LIPM: variants seen among roughly 807,000 people sequenced by gnomAD.
LIPM encodes lipase family member M.
LIPM carries 42 observed loss-of-function variants against 42.4 expected under a neutral mutation model. The ratio of observed to expected loss-of-function variants is 0.99; its 90% CI spans 0.77 to 1.28. The LOEUF (loss-of-function observed/expected upper bound fraction) is 1.28, where lower values mean the gene tolerates loss of function less well. Among genes scored for constraint, LIPM ranks in the 50% most tolerant of loss-of-function variants. The pLI is 0.00. For missense variants in LIPM, 524 were observed against 520.1 expected, an observed-to-expected ratio of 1.01 and a Z score of -0.07; for synonymous variants, 177 against 173.3, an observed-to-expected ratio of 1.02 and a Z score of -0.17.
chr10:88,806,130 A>G (rs1843583514), intron 1 of LIPM: 1 of 385,498 alleles, frequency 2.6e-6, no homozygotes, highest in Non-Finnish European at 5.1e-6. Flanking sequence ...AGTGGATGGG[A>G]CCAGTCCTTT....
At chr10:88,809,030 C>T (rs1843622926) in intron 2 of LIPM, among the ~76,000 whole-genome samples, 1 of 151,734 alleles carries the variant, frequency 6.6e-6, no homozygotes, top group Non-Finnish European at 1.5e-5. Context: ...TCTCAGCTCA[C>T]CGCAACCTCC....
intron 1 of LIPM, 110 bp from the exon 2 acceptor site, chr10:88,808,187 CA>C (rs1181259158): frequency 9.5e-6 from 6 of 631,148 alleles, no homozygotes; most frequent in Admixed American, 7.7e-5. Flanking sequence ...TAGGGAAAAG[CA>C]AGGACTTTCA....
chr10:88,817,855 G>T lies in LIPM; in HGVS notation c.961G>T (p.Asp321Tyr). The T allele has an allele frequency of 6.4e-7, 1 of 1,551,460 alleles. No individual in the cohort carries two copies. Among genetic ancestry groups the T allele is most frequent in the South Asian group, 1.2e-5 (1 of 84,020 alleles). The change falls in exon 8 of 9, where the codon GAC (aspartate) becomes TAC (tyrosine). Residue 321 changes from aspartate to tyrosine, a missense_variant. Coordinates refer to ENST00000404743, the MANE Select transcript of LIPM (RefSeq NM_001128215.1). ...AVNSGELRAF[D>Y]WGSETKNLEK... ...GAATTCTGGTGAACTCCGGGCATTT[G>T]ACTGGGGGAGTGAGACCAAAAATCT...
intron 2 of LIPM, among the ~76,000 whole-genome samples, chr10:88,810,660 A>G (rs1843644008): frequency 6.6e-6 from 1 of 152,210 alleles, no homozygotes; most frequent in African/African-American, 2.4e-5. Context: ...ATCAAGAGAG[A>G]AAATAGGCTG....
chr10:88,815,134 AATGT>A lies in LIPM; in HGVS notation c.624_627del (p.Met208IlefsTer4), dbSNP rs1475511707. ...TGCCAGAGCTGGCTCAGAAAATCAA[AATGT>A]ATTTTGCTTTAGCACCCATAGCCAC... On this transcript the variant is annotated frameshift_variant, in exon 5 of 9. Transcript: ENST00000404743. LOFTEE classifies it high-confidence loss of function. 6.4e-7 allele frequency: 1 copy of A among 1,551,034 alleles called. No individual in the cohort carries two copies. Among genetic ancestry groups the A allele is most frequent in the Non-Finnish European group, 8.7e-7 (1 of 1,146,784 alleles).
Position 88,820,454 on chromosome 10 carries a change from C to T in LIPM, c.1225C>T (p.Gln409Ter), listed in dbSNP as rs1360272962. Reference protein sequence around the residue: ...MYNEIIHLMQQEETNLSQGRC... With the variant: ...MYNEIIHLMQ ...CAATGAAATCATCCATCTGATGCAGCAGGAGGAGACCAACCTTTCCCAGGG... is the reference window on the plus strand; with the variant it reads ...CAATGAAATCATCCATCTGATGCAGTAGGAGGAGACCAACCTTTCCCAGGG... Residue 409 changes from glutamine to a stop codon, truncating the protein, a stop_gained, in exon 9 of 9, where the codon CAG (glutamine) becomes TAG (stop). Coordinates refer to ENST00000404743, the MANE Select transcript of LIPM (RefSeq NM_001128215.1). LOFTEE classifies it low-confidence loss of function (END_TRUNC). The T allele has an allele frequency of 3.2e-6, 5 of 1,551,808 alleles. No homozygotes were observed. In the East Asian group the frequency reaches 1.2e-4, roughly 38 times the overall value.
rs1843703648 is a variant in LIPM at position 88,815,192 on chromosome 10, A to G, written c.679A>G (p.Lys227Glu). The change falls in exon 5 of 9, where the codon AAA (lysine) becomes GAA (glutamate). Residue 227 changes from lysine to glutamate, a missense_variant. Lys to Glu is a moderately conservative substitution (Grantham distance 56, BLOSUM62 1). Transcript: ENST00000404743. ...TAAGCATGCAAAAAGCCCCGGGACC[A>G]AATTTTTGTTGCTGCCAGATATGAT... ...TVKHAKSPGT[K>E]FLLLPDMMIK... The G allele has an allele frequency of 1.9e-6, 3 of 1,551,864 alleles. No homozygotes were observed. Among genetic ancestry groups the G allele is most frequent in the Non-Finnish European group, 2.6e-6 (3 of 1,147,050 alleles).
chr10:88,810,026 G>C (rs1405127105), intron 2 of LIPM, among the ~76,000 whole-genome samples: 3 of 152,014 alleles, frequency 2.0e-5, no homozygotes. Flanking sequence ...TTTCCATATA[G>C]CACTTACCAT....
chr10:88,804,372 T>C (rs1006160447), intron 1 of LIPM, among the ~76,000 whole-genome samples: 3 of 152,198 alleles, frequency 2.0e-5, no homozygotes, highest in African/African-American at 7.2e-5. Context: ...CTAAAGCCCA[T>C]TGAATTGGGC....
rs570763647 is a variant in LIPM, at chr10:88,815,326, G to T, written c.712-31G>T. ...AATTACAGTCACATCTTTTCTGTCTGTCATGTCTATGTCACTTCATATTTT... is the reference window on the plus strand; with the variant it reads ...AATTACAGTCACATCTTTTCTGTCTTTCATGTCTATGTCACTTCATATTTT... On this transcript the variant is annotated intron_variant, in intron 5 of 8. Transcript: ENST00000404743. 31 of 1,550,682 alleles carry T rather than the reference G, an allele frequency of 2.0e-5. No individual in the cohort carries two copies. In the African/African-American group the frequency reaches 3.7e-4, roughly 18 times the overall value.
At chr10:88,811,337 A>G (rs1300139125) in intron 2 of LIPM, among the ~76,000 whole-genome samples, 1 of 152,160 alleles carries the variant, frequency 6.6e-6, no homozygotes, top group African/African-American at 2.4e-5. Flanking sequence ...TGCTTTAGAG[A>G]ATTATAACAA....
chr10:88,819,583 T>C (rs17113317), intron 8 of LIPM, among the ~76,000 whole-genome samples: 1,746 of 152,308 alleles, frequency 0.011, 30 homozygotes, highest in African/African-American at 0.039. Context: ...CTAATTCTAC[T>C]AACACTGCAT....
intron 8 of LIPM, among the ~76,000 whole-genome samples, chr10:88,818,465 A>AT (rs1843744672): frequency 6.6e-6 from 1 of 152,252 alleles, no homozygotes; most frequent in Admixed American, 6.5e-5. Flanking sequence ...TGCAAGTTAC[A>AT]TTTTTTAAAA....
chr10:88,816,952 G>T, intron 7 of LIPM, 65 bp downstream of exon 7: 1 of 1,199,294 alleles, frequency 8.3e-7, no homozygotes, highest in Non-Finnish European at 1.2e-6. Context: ...AATAGTCAAA[G>T]GACACCATTT....
At chr10:88,804,232 C>T (rs562882998) in intron 1 of LIPM, among the ~76,000 whole-genome samples, 1 of 152,200 alleles carries the variant, frequency 6.6e-6, no homozygotes, top group South Asian at 2.1e-4. Flanking sequence ...CTGAGACTGT[C>T]CCACTTGAAT....
Position 88,808,368 on chromosome 10 carries a change from T to A in LIPM, c.218T>A (p.Leu73His), listed in dbSNP as rs1305766535. 3 of 1,551,458 alleles carry A rather than the reference T, an allele frequency of 1.9e-6. No individual in the cohort carries two copies. The highest frequency in any genetic ancestry group is 2.6e-6 in the Non-Finnish European group (3 of 1,146,800). Residue 73 changes from leucine to histidine, a missense_variant, in exon 2 of 9, where the codon CTT becomes CAT. By Grantham distance (99) the Leu-to-His change is moderately conservative (BLOSUM62 -3). Coordinates refer to ENST00000404743, the MANE Select transcript of LIPM (RefSeq NM_001128215.1). ...YEVATEDGYI[L>H]SVNRIPRGLV... Reference sequence around the variant, plus strand: ...GTCGCAACTGAAGATGGGTATATCCTTTCTGTTAACAGGATTCCTCGAGGC... The same window carrying A: ...GTCGCAACTGAAGATGGGTATATCCATTCTGTTAACAGGATTCCTCGAGGC...
At chr10:88,817,929 T>C (rs1464515436) in intron 8 of LIPM, 33 bp downstream of exon 8, 4 of 1,464,484 alleles carry the variant, frequency 2.7e-6, no homozygotes, top group Admixed American at 2.0e-5. Flanking sequence ...GCTGAAAATA[T>C]ATACATTGGA....
intron 8 of LIPM, among the ~76,000 whole-genome samples, chr10:88,818,141 C>T (rs1478564300): frequency 6.6e-6 from 1 of 152,068 alleles, no homozygotes; most frequent in East Asian, 1.9e-4. Flanking sequence ...AGGTACTGGG[C>T]TTCTCAGGAG....
intron 7 of LIPM, 84 bp downstream of exon 7, chr10:88,816,971 C>T: frequency 2.0e-6 from 2 of 1,017,324 alleles, no homozygotes; most frequent in South Asian, 2.8e-5. Flanking sequence ...TTAGATAAGC[C>T]AGGGATTATT....
Sources: allele counts gnomAD v4.1 joint callset (sites outside exome capture counted in the v4.1 genomes callset), GRCh38; gene constraint gnomAD v4.1.1; transcripts MANE v1.5; gene names NCBI Gene and HGNC (gene_info 2026-07-23, HGNC 2026-07-21).